The following OCA2 variants were observed in gnomAD, a reference collection of about 807,000 sequenced individuals.
OCA2 encodes P protein.
Under a neutral mutation model 100.2 loss-of-function variants are expected in OCA2, and 77 were observed. The observed-to-expected ratio is 0.77, with a 90% CI of 0.64 to 0.93. OCA2 has a LOEUF of 0.93. OCA2 is among the 40% of genes least tolerant of loss of function. OCA2 has a pLI of 0.00. For missense variants in OCA2, 1,062 were observed against 1,089.1 expected (o/e 0.98, Z 0.35); for synonymous variants, 432 against 439.2 (o/e 0.98, Z 0.21).
At chr15:27,720,855 C>T in the OCA2 span, among the ~76,000 whole-genome samples, 6 of 152,290 alleles carry the variant, frequency 3.9e-5, no homozygotes, top group Admixed American at 6.5e-5. Context: ...CACCATATCA[C>T]CTCTGACAAG....
intron 2 of OCA2, among the ~76,000 whole-genome samples, chr15:28,042,536 A>C (rs1365990512): frequency 6.6e-6 from 1 of 151,368 alleles, no homozygotes; most frequent in African/African-American, 2.4e-5. Flanking sequence ...GCTACTTGGG[A>C]GGCTGAGGCA....
chr15:28,051,196 C>T (rs544805625), intron 2 of OCA2, among the ~76,000 whole-genome samples: 1 of 152,384 alleles, frequency 6.6e-6, no homozygotes, highest in South Asian at 2.1e-4. Context: ...TCCTGGCTCA[C>T]TGGCTGCCAG....
At chr15:27,880,093 A>G (rs939999554) in intron 19 of OCA2, among the ~76,000 whole-genome samples, 1 of 152,192 alleles carries the variant, frequency 6.6e-6, no homozygotes, top group Non-Finnish European at 1.5e-5. Context: ...TCCCAGCACC[A>G]TTTATTAAAT....
At chr15:27,825,741 G>C (rs1415051938) in intron 23 of OCA2, among the ~76,000 whole-genome samples, 1 of 152,152 alleles carries the variant, frequency 6.6e-6, no homozygotes, top group Non-Finnish European at 1.5e-5. Context: ...CTTCCTCTGA[G>C]GCTCCTCGCA....
chr15:27,863,992 G>A (rs1011513919), intron 21 of OCA2, among the ~76,000 whole-genome samples: 1 of 152,118 alleles, frequency 6.6e-6, no homozygotes, highest in Admixed American at 6.5e-5. Context: ...GGGGTGCCAT[G>A]GAGCTGGGGT....
chr15:27,989,789 C>A, intron 10 of OCA2, 123 bp from the exon 11 acceptor site: 1 of 803,646 alleles, frequency 1.2e-6, no homozygotes. Context: ...GAAATCTCAC[C>A]ATCCACTTGC....
intron 23 of OCA2, among the ~76,000 whole-genome samples, chr15:27,833,300 G>A (rs553927506): frequency 4.6e-5 from 7 of 152,294 alleles, no homozygotes; most frequent in Admixed American, 2.0e-4. Context: ...ATATGCTATC[G>A]TGACAGTACA....
the OCA2 span, among the ~76,000 whole-genome samples, chr15:27,744,070 C>G: frequency 6.6e-6 from 1 of 152,172 alleles, no homozygotes; most frequent in Non-Finnish European, 1.5e-5. Flanking sequence ...GTGCCCACAG[C>G]TGGCCCAGAC....
At chr15:27,932,301 G>A (rs185565468) in intron 18 of OCA2, among the ~76,000 whole-genome samples, 2 of 152,316 alleles carry the variant, frequency 1.3e-5, no homozygotes, top group East Asian at 3.9e-4. Flanking sequence ...TTTCACCTAA[G>A]GCAGAACTTA....
At chr15:28,042,656 TAATAAATAAATA>T (rs764760430) in intron 2 of OCA2, among the ~76,000 whole-genome samples, 2 of 76,346 alleles carry the variant, frequency 2.6e-5, no homozygotes, top group Non-Finnish European at 4.0e-5. Context: ...AATAAATAAA[TAATAAATAAATA>T]AATAAATAAA....
In OCA2 at chr15:27,797,758, A is replaced by C. The variant is rs183830569; in HGVS notation, c.2433-42286T>G. 1.4e-3 allele frequency among the ~76,000 whole-genome samples: 212 copies of C among 152,324 alleles called. 2 individuals carry two copies. The highest frequency in any genetic ancestry group is 4.9e-3 in the African/African-American group (205 of 41,582). ...AACCAGGTTCACTAAGATGCACCCA[A>C]GGAGGATGAGCTGCAGAGAGACTGG... On this transcript the variant is annotated intron_variant, in intron 23 of 23. Coordinates refer to ENST00000354638, the MANE Select transcript of OCA2 (RefSeq NM_000275.3).
chr15:27,768,177 G>T lies in OCA2; in HGVS notation c.2433-12705C>A, dbSNP rs560952807. 2.0e-5 allele frequency among the ~76,000 whole-genome samples: 3 copies of T among 152,354 alleles called. No individual in the cohort carries two copies. The South Asian group carries it at 6.2e-4, about 32-fold the overall frequency. On this transcript the variant is annotated intron_variant, in intron 23 of 23. Coordinates refer to ENST00000354638, the MANE Select transcript of OCA2 (RefSeq NM_000275.3). ...AAGAAAGCAGGTCTGAGCTAGGCAG[G>T]CTGAGGGAGCTCCACCGCCCTACAG... is the stretch of plus-strand genomic sequence containing the variant.
Position 27,755,407 on chromosome 15 carries a change from A to G in OCA2, c.2498T>C (p.Val833Ala). 1 of 1,613,494 alleles carries G rather than the reference A, an allele frequency of 6.2e-7. No individual in the cohort carries two copies. The highest frequency in any genetic ancestry group is 2.2e-5 in the East Asian group (1 of 44,880). ...TGTCTATTAATTCCATCCCACCACC[A>G]CATGAGCCACAAGGAGATAACACAT... ...VGMCYLLVAH[V>A]VVGWN The change falls in exon 24 of 24, where the codon GTG (valine) becomes GCG (alanine). Residue 833 changes from valine (V) to alanine (A), a missense_variant. Transcript: ENST00000354638.
At chr15:27,879,838 A>G (rs1386152051) in intron 19 of OCA2, among the ~76,000 whole-genome samples, 1 of 152,176 alleles carries the variant, frequency 6.6e-6, no homozygotes, top group Non-Finnish European at 1.5e-5. Context: ...TTTGCTGTGC[A>G]GAAGTTCTTT....
At chr15:28,063,687 T>A (rs2141686934) in intron 2 of OCA2, among the ~76,000 whole-genome samples, 1 of 152,264 alleles carries the variant, frequency 6.6e-6, no homozygotes, top group African/African-American at 2.4e-5. Context: ...TGCTCCTACA[T>A]AACTCTATTT....
intron 23 of OCA2, among the ~76,000 whole-genome samples, chr15:27,808,904 A>G (rs924241376): frequency 3.3e-5 from 5 of 152,182 alleles, no homozygotes; most frequent in African/African-American, 1.2e-4. Flanking sequence ...TGTTCTCCCC[A>G]TGACTGAACA....
In OCA2 at chr15:27,957,960, C is replaced by A. The variant is rs903802784; in HGVS notation, c.1637-225G>T. On this transcript the variant is annotated intron_variant, in intron 15 of 23. Coordinates refer to ENST00000354638, the MANE Select transcript of OCA2 (RefSeq NM_000275.3). The surrounding 1 kb of genome is among the most constrained non-coding windows in gnomAD (Gnocchi z 4.3). Reference sequence around the variant, plus strand: ...ATCACAAATTGCAAGGACAAAAAACCAAACACCACATGTTCTCACTCATAG... The same window carrying A: ...ATCACAAATTGCAAGGACAAAAAACAAAACACCACATGTTCTCACTCATAG... 6.6e-6 allele frequency among the ~76,000 whole-genome samples: 1 copy of A among 152,114 alleles called. No individual in the cohort carries two copies. The highest frequency in any genetic ancestry group is 1.5e-5 in the Non-Finnish European group (1 of 68,026).
At chr15:28,017,661 G>A (rs2042441178) in intron 7 of OCA2, among the ~76,000 whole-genome samples, 1 of 152,236 alleles carries the variant, frequency 6.6e-6, no homozygotes, top group Non-Finnish European at 1.5e-5. Context: ...GCAGGAAAAG[G>A]GGAGGGTGCA....
chr15:27,891,940 A>G (rs1289473739), intron 19 of OCA2, among the ~76,000 whole-genome samples: 1 of 152,194 alleles, frequency 6.6e-6, no homozygotes, highest in Non-Finnish European at 1.5e-5. Context: ...AGCTAAGTAG[A>G]CTTCAAAATA....
Sources: allele counts gnomAD v4.1 joint callset (sites outside exome capture counted in the v4.1 genomes callset), GRCh38; gene constraint gnomAD v4.1.1; non-coding constraint Gnocchi (gnomAD v3.1); transcripts MANE v1.5; gene names NCBI Gene and HGNC (gene_info 2026-07-23, HGNC 2026-07-21).